The following METTL15 variants were observed in gnomAD, a reference collection of about 807,000 sequenced individuals.
METTL15 encodes the protein 12S rRNA N(4)-cytidine methyltransferase METTL15.
In METTL15, 34 loss-of-function variants were observed where a neutral mutation model predicts 38.3. That is an observed-to-expected ratio of 0.89 (90% CI 0.68 to 1.18). METTL15 has a LOEUF of 1.18. Ranked by LOEUF, METTL15 falls within the 50% of genes most tolerant of loss-of-function variation. The pLI is 0.00. For missense variants in METTL15, 438 were observed against 498.4 expected, an observed-to-expected ratio of 0.88 and a Z score of 1.15; for synonymous variants, 162 against 170.9, an observed-to-expected ratio of 0.95 and a Z score of 0.41.
chr11:28,273,436 T>G (rs1487712333), intron 4 of METTL15, among the ~76,000 whole-genome samples: 1 of 152,102 alleles, frequency 6.6e-6, no homozygotes, highest in Non-Finnish European at 1.5e-5. Flanking sequence ...GCAGGCCCTA[T>G]TTTCTACAAG....
intron 4 of METTL15, among the ~76,000 whole-genome samples, chr11:28,228,155 G>A (rs1175563282): frequency 4.0e-5 from 6 of 151,798 alleles, no homozygotes; most frequent in East Asian, 1.9e-4. Context: ...AAGACTTTCG[G>A]TAATTACCTT....
At chr11:28,264,765 A>T (rs1164290335) in intron 4 of METTL15, among the ~76,000 whole-genome samples, 2 of 152,246 alleles carry the variant, frequency 1.3e-5, no homozygotes, top group Non-Finnish European at 2.9e-5. Flanking sequence ...CCACAAATTA[A>T]CAATTTGAGC....
At chr11:28,339,424 C>T (rs762663545) in intron 3 of METTL15, among the ~76,000 whole-genome samples, 1 of 151,582 alleles carries the variant, frequency 6.6e-6, no homozygotes, top group Non-Finnish European at 1.5e-5. Flanking sequence ...ACTTTAAGAA[C>T]TCCATGGATT....
intron 5 of METTL15, among the ~76,000 whole-genome samples, chr11:28,292,320 G>C (rs937836422): frequency 6.7e-6 from 1 of 148,700 alleles, no homozygotes; most frequent in Non-Finnish European, 1.5e-5. Flanking sequence ...TTGGTTTTTT[G>C]TCCTTGCTAT....
chr11:28,306,750 A>G (rs948623358), intron 6 of METTL15, among the ~76,000 whole-genome samples: 8 of 152,132 alleles, frequency 5.3e-5, no homozygotes, highest in Middle Eastern at 3.4e-3. Context: ...GAGAATTCCC[A>G]ATTTTAATGG....
downstream of METTL15, among the ~76,000 whole-genome samples, chr11:28,530,746 A>G (rs1851839639): frequency 1.3e-5 from 2 of 152,100 alleles, no homozygotes; most frequent in African/African-American, 2.4e-5. Context: ...CCATGAAGAT[A>G]TATTATTTTT....
At chr11:28,238,332 G>C (rs978348595) in intron 4 of METTL15, among the ~76,000 whole-genome samples, 5 of 152,182 alleles carry the variant, frequency 3.3e-5, no homozygotes, top group African/African-American at 4.8e-5. Flanking sequence ...CCCCCAGCCT[G>C]GCTGCCGCCT....
chr11:28,242,516 G>T (rs1015746619), intron 4 of METTL15, among the ~76,000 whole-genome samples: 11 of 152,214 alleles, frequency 7.2e-5, no homozygotes, highest in Admixed American at 5.9e-4. Flanking sequence ...TTTTCTAAAA[G>T]TAAGAAAATG....
intron 5 of METTL15, among the ~76,000 whole-genome samples, chr11:28,422,166 A>C (rs375166039): frequency 9.9e-4 from 151 of 152,176 alleles, no homozygotes; most frequent in African/African-American, 1.9e-3. Flanking sequence ...AAAACTATAA[A>C]ACATTGATAA....
intron 4 of METTL15, among the ~76,000 whole-genome samples, chr11:28,355,660 A>T (rs1042132628): frequency 3.3e-5 from 5 of 152,202 alleles, no homozygotes; most frequent in Admixed American, 3.3e-4. Context: ...TAATCTAGAG[A>T]TTTAAAGCAT....
chr11:28,400,077 C>G (rs1276165527), intron 5 of METTL15, among the ~76,000 whole-genome samples: 2 of 151,968 alleles, frequency 1.3e-5, no homozygotes, highest in Non-Finnish European at 2.9e-5. Flanking sequence ...TCCTCACATT[C>G]TTCCACCGTA....
At chr11:28,375,925 C>T (rs375041134) in intron 5 of METTL15, among the ~76,000 whole-genome samples, 1 of 151,790 alleles carries the variant, frequency 6.6e-6, no homozygotes, top group East Asian at 2.0e-4. Flanking sequence ...TCGTTATGTA[C>T]CCAGTAGTCA....
intron 3 of METTL15, among the ~76,000 whole-genome samples, chr11:28,118,223 C>T (rs1360786262): frequency 1.3e-5 from 2 of 151,976 alleles, no homozygotes; most frequent in Non-Finnish European, 2.9e-5. Context: ...AAGGTGCTCA[C>T]CTAAAGAAAA....
intron 6 of METTL15, among the ~76,000 whole-genome samples, chr11:28,502,096 G>C (rs1202982002): frequency 8.4e-6 from 1 of 119,560 alleles, no homozygotes; most frequent in Non-Finnish European, 1.8e-5. Flanking sequence ...GCAAGACTCT[G>C]TCTCAAAAAA....
intron 5 of METTL15, among the ~76,000 whole-genome samples, chr11:28,375,773 G>C (rs1049964557): frequency 6.6e-6 from 1 of 151,674 alleles, no homozygotes. Context: ...TGTCAATTTT[G>C]GATCTTTCCT....
At chr11:28,440,880 T>G (rs1358946564) in intron 6 of METTL15, among the ~76,000 whole-genome samples, 1 of 152,180 alleles carries the variant, frequency 6.6e-6, no homozygotes, top group African/African-American at 2.4e-5. Context: ...AGAATTGCAC[T>G]GTTCAATCCC....
At chr11:28,355,219 A>G (rs763046328) in intron 4 of METTL15, among the ~76,000 whole-genome samples, 3 of 152,258 alleles carry the variant, frequency 2.0e-5, no homozygotes, top group Non-Finnish European at 2.9e-5. Flanking sequence ...GAAGTTAATC[A>G]TATAACCGTA....
At chr11:28,216,741 A>G (rs530396577) in intron 4 of METTL15, among the ~76,000 whole-genome samples, 1 of 113,350 alleles carries the variant, frequency 8.8e-6, no homozygotes, top group South Asian at 3.2e-4. Flanking sequence ...GCCCCAGTGT[A>G]TGCTATTCCC....
chr11:28,277,798 A>G (rs368887727), intron 4 of METTL15, among the ~76,000 whole-genome samples: 1 of 152,220 alleles, frequency 6.6e-6, no homozygotes, highest in Non-Finnish European at 1.5e-5. Context: ...AGCTGGGCAC[A>G]TAAAGACAAA....
Sources: gnomAD v4.1 joint callset for allele counts (sites outside exome capture counted in the v4.1 genomes callset) on GRCh38, gnomAD v4.1.1 for gene constraint, MANE v1.5 for transcripts, NCBI Gene and HGNC (gene_info 2026-07-23, HGNC 2026-07-21) for gene names.